The following OR4K14 variants were observed in gnomAD, a reference collection of about 807,000 sequenced individuals.
OR4K14 encodes the protein olfactory receptor family 4 subfamily K member 14.
For synonymous variants in OR4K14, 153 were observed against 141.5 expected (o/e 1.08, Z -0.58); for missense variants, 406 against 373.6 (o/e 1.09, Z -0.72).
Position 20,014,945 on chromosome 14 carries a change from G to C in OR4K14, c.249C>G (p.Ile83Met). ...WLASFATPKM[I>M]RDFLSDQKLI... is the part of the protein sequence containing the mutation. Reference sequence around the variant, plus strand: ...GTTTTTGATCACTAAGGAAATCCCTGATCATCTTGGGAGTGGCAAATGAGG... The same window carrying C: ...GTTTTTGATCACTAAGGAAATCCCTCATCATCTTGGGAGTGGCAAATGAGG... The change falls in exon 2 of 2, where the codon ATC becomes ATG. Residue 83 changes from isoleucine to methionine, a missense_variant. By Grantham distance (10) the Ile-to-Met change is conservative. Coordinates refer to ENST00000641793, the MANE Select transcript of OR4K14 (RefSeq NM_001004712.2). 6.2e-7 allele frequency: 1 copy of C among 1,614,100 alleles called. No individual in the cohort carries two copies. Among genetic ancestry groups the C allele is most frequent in the Middle Eastern group, 1.7e-4 (1 of 6,060 alleles).
intron 1 of OR4K14, among the ~76,000 whole-genome samples, chr14:20,017,697 AAGGG>A (rs1350734934): frequency 6.6e-6 from 1 of 151,970 alleles, no homozygotes; most frequent in Non-Finnish European, 1.5e-5. Flanking sequence ...TGGGAAAATA[AAGGG>A]AGGATGATTA....
In OR4K14 at chr14:20,014,757, A is replaced by G. The variant is rs1430576493; in HGVS notation, c.437T>C (p.Val146Ala). 1.2e-6 allele frequency: 2 copies of G among 1,614,012 alleles called. No homozygotes were observed. Among genetic ancestry groups the G allele is most frequent in the Non-Finnish European group, 1.7e-6 (2 of 1,180,018 alleles). The change falls in exon 2 of 2, where the codon GTG becomes GCG. Residue 146 changes from valine (V) to alanine (A), a missense_variant. Physicochemically the swap from Val to Ala is moderately conservative, Grantham distance 64. Transcript: ENST00000641793. ...LMSWQTCIRLVLASWVVGFVH... is the reference protein window; with the variant it reads ...LMSWQTCIRLALASWVVGFVH... ...AAATCCAACGACCCATGAAGCCAGC[A>G]CCAGCCTGATGCAAGTCTGCCAACT...
intron 1 of OR4K14, among the ~76,000 whole-genome samples, chr14:20,016,799 T>C (rs983388677): frequency 1.3e-5 from 2 of 151,934 alleles, no homozygotes; most frequent in African/African-American, 4.8e-5. Context: ...GAGAGAAGAG[T>C]GTAGACTGAT....
At chr14:20,015,833 T>C (rs1877086237) in intron 1 of OR4K14, among the ~76,000 whole-genome samples, 1 of 151,994 alleles carries the variant, frequency 6.6e-6, no homozygotes, top group African/African-American at 2.4e-5. Flanking sequence ...TTTTTCAAAC[T>C]TCAGTGATTC....
chr14:20,018,351 CT>C (rs991992656), intron 1 of OR4K14, among the ~76,000 whole-genome samples: 6 of 152,002 alleles, frequency 3.9e-5, no homozygotes, highest in African/African-American at 1.4e-4. Flanking sequence ...AATTGCAACA[CT>C]TTTTTTGACA....
intron 1 of OR4K14, 69 bp from the exon 2 acceptor site, chr14:20,015,291 C>G (rs1243008048): frequency 2.8e-6 from 2 of 709,040 alleles, no homozygotes; most frequent in Non-Finnish European, 4.6e-6. Flanking sequence ...TGAAATAAGC[C>G]AGGCACAGAA....
In OR4K14 at chr14:20,015,339, C is replaced by G; in HGVS notation, c.-29-117G>C. The G allele has an allele frequency of 7.4e-6, 4 of 543,532 alleles. No individual in the cohort carries two copies. In the East Asian group the frequency reaches 9.1e-5, roughly 12 times the overall value. 33.7% of individuals were successfully genotyped at this position (543,532 alleles called of 1,614,324 possible). A position where few individuals can be genotyped will look rare whatever the true frequency, so the allele number is the denominator to read the frequency against. ...AATGATGTCACTTAATATGTGGAAT[C>G]TAAAAAAGTCAAACTTACAGAAATA... On this transcript the variant is annotated intron_variant, in intron 1 of 1. Coordinates refer to ENST00000641793, the MANE Select transcript of OR4K14 (RefSeq NM_001004712.2).
chr14:20,014,937 A>G lies in OR4K14; in HGVS notation c.257T>C (p.Phe86Ser). The G allele has an allele frequency of 6.2e-7, 1 of 1,614,130 alleles. No homozygotes were observed. Among genetic ancestry groups the G allele is most frequent in the Non-Finnish European group, 8.5e-7 (1 of 1,180,008 alleles). Residue 86 changes from phenylalanine to serine, a missense_variant, in exon 2 of 2, where the codon TTC (phenylalanine) becomes TCC (serine). Phe to Ser is a radical substitution (Grantham distance 155). Transcript: ENST00000641793. ...GGAGATGAGTTTTTGATCACTAAGG[A>G]AATCCCTGATCATCTTGGGAGTGGC... ...SFATPKMIRD[F>S]LSDQKLISFG...
In OR4K14 at chr14:20,014,207, G is replaced by T; in HGVS notation, c.*54C>A. ...AATCTTTGAGCAGAATTATATTAAA[G>T]AAATTATATCTGCTGAATGAATAGA... On this transcript the variant is annotated 3_prime_UTR_variant, in exon 2 of 2. Coordinates refer to ENST00000641793, the MANE Select transcript of OR4K14 (RefSeq NM_001004712.2). The T allele has an allele frequency of 8.7e-7, 1 of 1,143,462 alleles. No individual in the cohort carries two copies. The highest frequency in any genetic ancestry group is 1.2e-6 in the Non-Finnish European group (1 of 802,612). The allele number at this position is 1,143,462 out of a possible 1,614,324, so 70.8% of individuals were successfully genotyped here.
chr14:20,018,883 C>A (rs1322572257), intron 1 of OR4K14, among the ~76,000 whole-genome samples: 3 of 151,796 alleles, frequency 2.0e-5, no homozygotes, highest in Non-Finnish European at 4.4e-5. Context: ...TCTGAGAACT[C>A]TTTATGATGT....
In OR4K14 at chr14:20,015,068, G is replaced by A. The variant is rs1287352700; in HGVS notation, c.126C>T (p.Asn42=). The A allele has an allele frequency of 1.9e-6, 3 of 1,613,850 alleles. No individual in the cohort carries two copies. The African/African-American group carries it at 4.0e-5, about 22-fold the overall frequency. ...FGVYVAIMLG[N]LLILVTVISD... is the part of the protein sequence containing the mutation. ...AAATTACAGTGACCAAAATGAGAAG[G>A]TTACCCAGCATAATGGCCACATAGA... is the stretch of plus-strand genomic sequence containing the variant. Residue 42 remains asparagine, a synonymous_variant, in exon 2 of 2, where the codon AAC becomes AAT. Transcript: ENST00000641793.
Position 20,019,174 on chromosome 14 carries a change from A to C in OR4K14, c.-61T>G, listed in dbSNP as rs1383288009. 6.6e-6 allele frequency: 1 copy of C among 152,084 alleles called. No individual in the cohort carries two copies. The highest frequency in any genetic ancestry group is 1.5e-5 in the Non-Finnish European group (1 of 67,950). The allele number at this position is 152,084 out of a possible 1,614,324, so 9.4% of individuals were successfully genotyped here. A position where few individuals can be genotyped will look rare whatever the true frequency, so the allele number is the denominator to read the frequency against. On this transcript the variant is annotated 5_prime_UTR_variant, in exon 1 of 2. Transcript: ENST00000641793. ...TTAAGATGCTCAGTGCTGATACTGC[A>C]GCTCACCCAATTTATATTTTACATC...
In OR4K14 at chr14:20,014,570, G is replaced by A. The variant is rs764350374; in HGVS notation, c.624C>T (p.Ser208=). 2 of 1,614,120 alleles carry A rather than the reference G, an allele frequency of 1.2e-6. No homozygotes were observed. Among genetic ancestry groups the A allele is most frequent in the African/African-American group, 1.3e-5 (1 of 75,034 alleles). Reference sequence around the variant, plus strand: ...TCAGGAGGAGCAGAAAACAGCTCAAGGAAAGCAACCCACTGTCTGAGATCA... The same window carrying A: ...TCAGGAGGAGCAGAAAACAGCTCAAAGAAAGCAACCCACTGTCTGAGATCA... ...IIMISDSGLL[S]LSCFLLLLIS... The change falls in exon 2 of 2, where the codon TCC becomes TCT. Residue 208 remains serine (S), a synonymous_variant. Coordinates refer to ENST00000641793, the MANE Select transcript of OR4K14 (RefSeq NM_001004712.2).
Position 20,014,927 on chromosome 14 carries a change from A to G in OR4K14, c.267T>C (p.Asp89=), listed in dbSNP as rs760940370. 17 of 1,614,006 alleles carry G rather than the reference A, an allele frequency of 1.1e-5. No homozygotes were observed. In the East Asian group the frequency reaches 3.3e-4, roughly 32 times the overall value. ...ATCCTCCAAAGGAGATGAGTTTTTG[A>G]TCACTAAGGAAATCCCTGATCATCT... ...TPKMIRDFLS[D]QKLISFGGCM... The change falls in exon 2 of 2, where the codon GAT becomes GAC. Residue 89 remains aspartate (D), a synonymous_variant. Coordinates refer to ENST00000641793, the MANE Select transcript of OR4K14 (RefSeq NM_001004712.2).
chr14:20,014,335 T>A lies in OR4K14; in HGVS notation c.859A>T (p.Ile287Phe), dbSNP rs768284989. 1 of 1,613,554 alleles carries A rather than the reference T, an allele frequency of 6.2e-7. No individual in the cohort carries two copies. The highest frequency in any genetic ancestry group is 8.5e-7 in the Non-Finnish European group (1 of 1,179,660). Residue 287 changes from isoleucine to phenylalanine, a missense_variant, in exon 2 of 2, where the codon ATC (isoleucine) becomes TTC (phenylalanine). By Grantham distance (21) the Ile-to-Phe change is conservative. Coordinates refer to ENST00000641793, the MANE Select transcript of OR4K14 (RefSeq NM_001004712.2). ...TIFTPLLNPI[I>F]YTLRNEEMKA... is the part of the protein sequence containing the mutation. ...ATCTCCTCATTTCTCAATGTGTAGA[T>A]AATGGGGTTCAGGAGTGGAGTAAAA...
rs1316104496 is a variant in OR4K14, at chr14:20,014,941, C to A, written c.253G>T (p.Asp85Tyr). ...ASFATPKMIR[D>Y]FLSDQKLISF... ...ATGAGTTTTTGATCACTAAGGAAAT[C>A]CCTGATCATCTTGGGAGTGGCAAAT... Residue 85 changes from aspartate (D) to tyrosine (Y), a missense_variant, in exon 2 of 2, where the codon GAT (aspartate) becomes TAT (tyrosine). Asp to Tyr is a radical substitution (Grantham distance 160). Coordinates refer to ENST00000641793, the MANE Select transcript of OR4K14 (RefSeq NM_001004712.2). The A allele has an allele frequency of 2.5e-6, 4 of 1,614,064 alleles. No individual in the cohort carries two copies. The East Asian group carries it at 8.9e-5, about 36-fold the overall frequency.
intron 1 of OR4K14, among the ~76,000 whole-genome samples, chr14:20,018,891 T>C (rs1393096655): frequency 6.6e-6 from 1 of 152,024 alleles, no homozygotes; most frequent in African/African-American, 2.4e-5. Flanking sequence ...CTCTTTATGA[T>C]GTGTAAATCA....
rs564561908 is a variant in OR4K14, at chr14:20,014,611, C to A, written c.583G>T (p.Val195Phe). ...TCTGAGATCATAATTATACCCAAGA[C>A]ATAGGTGTCCATGCAGGCAAGTTTG... ...VIKLACMDTYVLGIIMISDSG... is the reference protein window; with the variant it reads ...VIKLACMDTYFLGIIMISDSG... Residue 195 changes from valine (V) to phenylalanine (F), a missense_variant, in exon 2 of 2, where the codon GTC becomes TTC. By Grantham distance (50) the Val-to-Phe change is conservative (BLOSUM62 -1). Transcript: ENST00000641793. 14 of 1,613,926 alleles carry A rather than the reference C, an allele frequency of 8.7e-6. No homozygotes were observed. The highest frequency in any genetic ancestry group is 3.3e-5 in the Admixed American group (2 of 59,994).
chr14:20,018,854 C>A (rs957460981), intron 1 of OR4K14, among the ~76,000 whole-genome samples: 1 of 151,726 alleles, frequency 6.6e-6, no homozygotes, highest in Non-Finnish European at 1.5e-5. Context: ...AATAAATAAT[C>A]TCGATTAAAG....
Sources: allele counts gnomAD v4.1 joint callset (sites outside exome capture counted in the v4.1 genomes callset), GRCh38; gene constraint gnomAD v4.1.1; transcripts MANE v1.5; gene names NCBI Gene and HGNC (gene_info 2026-07-23, HGNC 2026-07-21).